Variants in IL13RA2 observed in about 807,000 individuals in gnomAD.
IL13RA2 encodes the protein interleukin-13 receptor subunit alpha-2.
A neutral mutation model predicts 34.1 loss-of-function variants in IL13RA2; 25 were observed. The ratio of observed to expected loss-of-function variants is 0.73; its 90% CI spans 0.53 to 1.03. IL13RA2 has a LOEUF of 1.03. Ranked by LOEUF, IL13RA2 falls within the 50% of genes least tolerant of loss-of-function variation. The pLI is 0.00. For synonymous variants in IL13RA2, 106 were observed against 100.4 expected (o/e 1.06, Z -0.33); for missense variants, 297 against 280.9 (o/e 1.06, Z -0.41).
At chrX:115,007,270 G>A (rs782586146) in intron 8 of IL13RA2, among the ~76,000 whole-genome samples, 1 of 112,052 alleles carries the variant, frequency 8.9e-6, no homozygotes, top group African/African-American at 3.2e-5. Context: ...ATCAGCATCA[G>A]TATATTTATT....
At chrX:115,014,719 C>A in intron 3 of IL13RA2, 145 bp from the exon 4 acceptor site, 1 of 334,660 alleles carries the variant, frequency 3.0e-6, no homozygotes, top group Admixed American at 4.9e-5. Context: ...TACAATGCCA[C>A]AGATACATTT....
intron 9 of IL13RA2, among the ~76,000 whole-genome samples, chrX:115,004,471 T>C (rs1007719512): frequency 9.5e-6 from 1 of 105,384 alleles, no homozygotes. Flanking sequence ...TCCCGCTATG[T>C]TGGTGCCTGC....
At chrX:115,012,438 A>G (rs1312161690) in intron 5 of IL13RA2, among the ~76,000 whole-genome samples, 1 of 110,686 alleles carries the variant, frequency 9.0e-6, no homozygotes, top group Non-Finnish European at 1.9e-5. Flanking sequence ...TTTAAATGCC[A>G]TCTGGACAAT....
At chrX:115,006,612 G>A (rs2071686347) in intron 8 of IL13RA2, among the ~76,000 whole-genome samples, 1 of 111,239 alleles carries the variant, frequency 9.0e-6, no homozygotes, top group Non-Finnish European at 1.9e-5. Context: ...GAACCCAAGA[G>A]GCAGAGGTGA....
Position 115,009,737 on chromosome X carries a change from A to G in IL13RA2, c.707-71T>C, listed in dbSNP as rs1428189502. On this transcript the variant is annotated intron_variant, in intron 6 of 9. Coordinates refer to ENST00000243213, the MANE Select transcript of IL13RA2 (RefSeq NM_000640.3). ...TTAGCAGTAGCCTTTATCCAAAGCT[A>G]GGGACATCTGGTAACAGAAACCTCC... 1.3e-5 allele frequency: 12 copies of G among 942,180 alleles called. No individual in the cohort carries two copies. The African/African-American group carries it at 2.1e-4, about 17-fold the overall frequency. 77.6% of individuals were successfully genotyped at this position (942,180 alleles called of 1,213,427 possible). A position where few individuals can be genotyped will look rare whatever the true frequency, so the allele number is the denominator to read the frequency against.
In IL13RA2 at chrX:115,009,635, A is replaced by G. The variant is rs1249037622; in HGVS notation, c.738T>C (p.Phe246=). The G allele has an allele frequency of 3.3e-6, 4 of 1,205,103 alleles. No individual in the cohort carries two copies. Among genetic ancestry groups the G allele is most frequent in the Non-Finnish European group, 4.5e-6 (4 of 890,926 alleles). ...TAATTTCACATGAACTCTCCCGAGTAAAAGTAAGATAGACTGGCGGCAAAG... is the reference window on the plus strand; with the variant it reads ...TAATTTCACATGAACTCTCCCGAGTGAAAGTAAGATAGACTGGCGGCAAAG... ...VKPLPPVYLT[F]TRESSCEIKL... is the part of the protein sequence containing the mutation. The change falls in exon 7 of 10, where the codon TTT becomes TTC. Residue 246 remains phenylalanine (F), a synonymous_variant. Transcript: ENST00000243213.
chrX:115,009,668 T>C lies in IL13RA2; in HGVS notation c.707-2A>G, dbSNP rs1219960388. ...GATAGACTGGCGGCAAAGGTTTAAC[T>C]GAAAAGCAAAAGAGAACCATTTCAA... On this transcript the variant is annotated splice_acceptor_variant, in intron 6 of 9. Transcript: ENST00000243213. LOFTEE classifies it high-confidence loss of function. 2 of 1,203,909 alleles carry C rather than the reference T, an allele frequency of 1.7e-6. No individual in the cohort carries two copies. Among genetic ancestry groups the C allele is most frequent in the African/African-American group, 3.5e-5 (2 of 57,049 alleles).
chrX:115,010,554 C>CCTT (rs2071702244), intron 6 of IL13RA2, 90 bp downstream of exon 6: 2 of 450,394 alleles, frequency 4.4e-6, no homozygotes, highest in African/African-American at 5.1e-5. Flanking sequence ...TCTCCTTCCT[C>CCTT]CCCTTTTTCT....
Position 115,004,090 on chromosome X carries a change from C to T in IL13RA2, c.1133G>A (p.Cys378Tyr). The T allele has an allele frequency of 9.4e-7, 1 of 1,062,437 alleles. No individual in the cohort carries two copies. The highest frequency in any genetic ancestry group is 1.3e-6 in the Non-Finnish European group (1 of 763,620). 87.6% of individuals were successfully genotyped at this position (1,062,437 alleles called of 1,213,427 possible). Residue 378 changes from cysteine (C) to tyrosine (Y), a missense_variant, in exon 10 of 10, where the codon TGT (cysteine) becomes TAT (tyrosine). Physicochemically the swap from Cys to Tyr is radical, Grantham distance 194. Coordinates refer to ENST00000243213, the MANE Select transcript of IL13RA2 (RefSeq NM_000640.3). Reference protein sequence around the residue: ...TYPKMIPEFFCDT With the variant: ...TYPKMIPEFFYDT The stretch of plus-strand genomic sequence containing the variant: ...TGATATGGAAAGTCTTCATGTATCA[C>T]AGAAAAATTCTGGAATCTAGAAAGA...
At chrX:115,007,167 C>T (rs1461643776) in intron 8 of IL13RA2, among the ~76,000 whole-genome samples, 1 of 111,340 alleles carries the variant, frequency 9.0e-6, no homozygotes, top group African/African-American at 3.3e-5. Flanking sequence ...TCAATGATAC[C>T]ACTGTATTCG....
chrX:115,017,331 T>C, intron 1 of IL13RA2, 29 bp from the exon 2 acceptor site: 1 of 588,771 alleles, frequency 1.7e-6, no homozygotes, highest in Admixed American at 2.5e-5. Flanking sequence ...ACATTTTAAC[T>C]TTATCTTACA....
chrX:115,009,852 T>C (rs782230856), intron 6 of IL13RA2, among the ~76,000 whole-genome samples, 186 bp from the exon 7 acceptor site: 1 of 111,835 alleles, frequency 8.9e-6, no homozygotes, highest in African/African-American at 3.2e-5. Context: ...ATTAACAAAC[T>C]TGGTTATTTT....
chrX:115,015,778 T>A lies in IL13RA2; in HGVS notation c.138A>T (p.Leu46Phe), dbSNP rs782344443. The part of the protein sequence containing the change: ...QDFEIVDPGY[L>F]GYLYLQWQPP... ...GTTGCCATTGCAAATAGAGATAACC[T>A]AAGTATCCGGGATCCACTATCTCAA... The change falls in exon 3 of 10, where the codon TTA becomes TTT. Residue 46 changes from leucine to phenylalanine, a missense_variant. Leu to Phe is a conservative substitution (Grantham distance 22). Coordinates refer to ENST00000243213, the MANE Select transcript of IL13RA2 (RefSeq NM_000640.3). The A allele has an allele frequency of 4.2e-6, 5 of 1,186,338 alleles. No individual in the cohort carries two copies. In the South Asian group the frequency reaches 7.1e-5, roughly 17 times the overall value.
intron 8 of IL13RA2, among the ~76,000 whole-genome samples, chrX:115,007,379 A>G (rs1243159512): frequency 8.9e-6 from 1 of 112,447 alleles, no homozygotes; most frequent in African/African-American, 3.2e-5. Flanking sequence ...TAAAGCTAAT[A>G]CATTGTGAAG....
chrX:115,013,708 AC>A (rs2071715248), intron 5 of IL13RA2, 60 bp downstream of exon 5: 1 of 601,463 alleles, frequency 1.7e-6, no homozygotes, highest in African/African-American at 2.3e-5. Flanking sequence ...GTTTACTCAT[AC>A]TATCGACTAA....
chrX:115,005,472 G>A (rs1479545261), intron 8 of IL13RA2, among the ~76,000 whole-genome samples, 157 bp from the exon 9 acceptor site: 3 of 112,405 alleles, frequency 2.7e-5, no homozygotes, highest in African/African-American at 6.5e-5. Context: ...TGAGTATAGC[G>A]TTCCTTTCAT....
chrX:115,017,389 T>C (rs1362647284), intron 1 of IL13RA2, 87 bp from the exon 2 acceptor site: 14 of 476,168 alleles, frequency 2.9e-5, no homozygotes, highest in Non-Finnish European at 4.4e-5. Flanking sequence ...GAAAGCTCTC[T>C]GTGTGCTTCT....
At position 115,013,906 on chromosome X, in the gene IL13RA2, CTG is replaced by C; in HGVS notation, c.401-19_401-18del. The C allele has an allele frequency of 9.7e-7, 1 of 1,032,822 alleles. No individual in the cohort carries two copies. The highest frequency in any genetic ancestry group is 1.4e-6 in the Non-Finnish European group (1 of 736,045). The allele number at this position is 1,032,822 out of a possible 1,213,427, so 85.1% of individuals were successfully genotyped here. A position where few individuals can be genotyped will look rare whatever the true frequency, so the allele number is the denominator to read the frequency against. ...CTGGAATTCCTAAGGAACAAATCAA[CTG>C]TGAATGTTTGAAAGGCTTGGTGATG... On this transcript the variant is annotated intron_variant, in intron 4 of 9. Coordinates refer to ENST00000243213, the MANE Select transcript of IL13RA2 (RefSeq NM_000640.3).
intron 2 of IL13RA2, among the ~76,000 whole-genome samples, 156 bp downstream of exon 2, chrX:115,017,020 T>G (rs5988198): frequency 0.2 from 22,690 of 111,012 alleles, 2,229 homozygotes; most frequent in African/African-American, 0.38. Context: ...CATAGCTTTT[T>G]TTCATGAACT....
Sources: gnomAD v4.1 joint callset for allele counts (sites outside exome capture counted in the v4.1 genomes callset) on GRCh38, gnomAD v4.1.1 for gene constraint, MANE v1.5 for transcripts, NCBI Gene and HGNC (gene_info 2026-07-23, HGNC 2026-07-21) for gene names.